Variants in SNTG1 observed in about 807,000 individuals in gnomAD.
SNTG1 encodes gamma-1-syntrophin.
Under a neutral mutation model 74.7 loss-of-function variants are expected in SNTG1, and 39 were observed. The ratio of observed to expected loss-of-function variants is 0.52; its 90% CI spans 0.40 to 0.68. The LOEUF (loss-of-function observed/expected upper bound fraction) is 0.68, where lower values mean the gene tolerates loss of function less well. Ranked by LOEUF, SNTG1 falls within the 30% of genes least tolerant of loss-of-function variation. The pLI is 0.00. For missense variants in SNTG1, 685 were observed against 609.5 expected, an observed-to-expected ratio of 1.12 and a Z score of -1.30; for synonymous variants, 254 against 217.1, an observed-to-expected ratio of 1.17 and a Z score of -1.49.
intron 1 of SNTG1, among the ~76,000 whole-genome samples, chr8:50,074,879 C>T (rs765195989): frequency 8.5e-5 from 13 of 152,152 alleles, no homozygotes; most frequent in Non-Finnish European, 1.8e-4. Context: ...CTGAGGGAAC[C>T]GGGGCTGTGC....
At chr8:50,633,769 A>G (rs1438258664) in intron 13 of SNTG1, among the ~76,000 whole-genome samples, 11 of 152,162 alleles carry the variant, frequency 7.2e-5, no homozygotes, top group Admixed American at 7.2e-4. Flanking sequence ...TCATCTTCCT[A>G]TTCCTATGGG....
At chr8:50,088,027 C>G (rs1254234071) in intron 1 of SNTG1, among the ~76,000 whole-genome samples, 1 of 144,514 alleles carries the variant, frequency 6.9e-6, no homozygotes, top group South Asian at 2.2e-4. Flanking sequence ...TGAGAATATG[C>G]GGTGTTTGGT....
At chr8:50,611,041 A>G (rs1161141305) in intron 13 of SNTG1, among the ~76,000 whole-genome samples, 1 of 152,164 alleles carries the variant, frequency 6.6e-6, no homozygotes, top group Non-Finnish European at 1.5e-5. Flanking sequence ...AATGCATGGA[A>G]CTTTTTTTGA....
intron 1 of SNTG1, among the ~76,000 whole-genome samples, chr8:49,920,018 T>G (rs1806389853): frequency 6.6e-6 from 1 of 152,078 alleles, no homozygotes; most frequent in African/African-American, 2.4e-5. Context: ...TAAATTAACT[T>G]TATTTTTCTC....
At chr8:50,087,127 AT>A (rs1822963948) in intron 1 of SNTG1, among the ~76,000 whole-genome samples, 1 of 152,030 alleles carries the variant, frequency 6.6e-6, no homozygotes, top group Non-Finnish European at 1.5e-5. Context: ...AGAGATTATC[AT>A]GTCTATTTTT....
intron 13 of SNTG1, among the ~76,000 whole-genome samples, chr8:50,598,504 C>T (rs1257014495): frequency 2.0e-5 from 3 of 151,876 alleles, no homozygotes; most frequent in Admixed American, 6.6e-5. Context: ...CTTTTAAAGT[C>T]ATGTCGTGTG....
intron 1 of SNTG1, among the ~76,000 whole-genome samples, chr8:49,929,110 A>C (rs1015779119): frequency 6.6e-6 from 1 of 152,320 alleles, no homozygotes; most frequent in South Asian, 2.1e-4. Flanking sequence ...GAGGACTTAA[A>C]TAACTAATAA....
intron 8 of SNTG1, among the ~76,000 whole-genome samples, chr8:50,490,293 T>C (rs1226110598): frequency 1.3e-5 from 2 of 152,202 alleles, no homozygotes; most frequent in African/African-American, 4.8e-5. Context: ...CGTAGTTTTT[T>C]CTAATTCTGT....
At chr8:49,938,615 C>CTTTTCT (rs5891335) in intron 1 of SNTG1, among the ~76,000 whole-genome samples, 9 of 22,638 alleles carry the variant, frequency 4.0e-4, no homozygotes, top group Admixed American at 2.1e-3. Context: ...TTCTTTCTTT[C>CTTTTCT]TTTCTTTCTT....
intron 2 of SNTG1, among the ~76,000 whole-genome samples, chr8:50,286,080 T>A (rs1296272572): frequency 6.6e-6 from 1 of 152,140 alleles, no homozygotes; most frequent in African/African-American, 2.4e-5. Flanking sequence ...TTTTTCTCAC[T>A]ATATGTATAA....
At chr8:50,341,684 C>T (rs1373986987) in intron 2 of SNTG1, among the ~76,000 whole-genome samples, 1 of 151,870 alleles carries the variant, frequency 6.6e-6, no homozygotes, top group Non-Finnish European at 1.5e-5. Context: ...ATGAAATGGA[C>T]TTTAATTCAC....
rs972539943 is a variant in SNTG1 at position 50,068,438 on chromosome 8, C to T, written c.-102-104123C>T. On this transcript the variant is annotated intron_variant, in intron 1 of 18. Transcript: ENST00000642720. ...TCCAAGGTGTTTGACACAAAGAGAT[C>T]CTGAGGACATTTGCTGTCGTCTTTG... Among the ~76,000 whole-genome samples the T allele has an allele frequency of 3.9e-5, 6 of 152,120 alleles. No individual in the cohort carries two copies. In the East Asian group the frequency reaches 1.2e-3, roughly 29 times the overall value.
At chr8:50,735,164 G>A (rs539261839) in intron 17 of SNTG1, among the ~76,000 whole-genome samples, 22 of 151,226 alleles carry the variant, frequency 1.5e-4, no homozygotes, top group Non-Finnish European at 3.0e-4. Context: ...CGACATATTG[G>A]ATTTAAAAAA....
At chr8:50,013,662 G>T (rs1004546751) in intron 1 of SNTG1, among the ~76,000 whole-genome samples, 1 of 152,072 alleles carries the variant, frequency 6.6e-6, no homozygotes, top group Non-Finnish European at 1.5e-5. Context: ...ACATAGTGAT[G>T]TGGTGATGCA....
intron 1 of SNTG1, among the ~76,000 whole-genome samples, chr8:50,165,203 A>C (rs2082571322): frequency 6.6e-6 from 1 of 152,218 alleles, no homozygotes; most frequent in Non-Finnish European, 1.5e-5. Context: ...GATTTAATTA[A>C]GTGAGGTCAA....
At chr8:50,190,908 A>C (rs904927748) in intron 2 of SNTG1, among the ~76,000 whole-genome samples, 1 of 152,196 alleles carries the variant, frequency 6.6e-6, no homozygotes, top group African/African-American at 2.4e-5. Context: ...CACGACAATA[A>C]GAATAAATTG....
chr8:50,301,420 A>T (rs2089639312), intron 2 of SNTG1, among the ~76,000 whole-genome samples: 1 of 152,244 alleles, frequency 6.6e-6, no homozygotes, highest in East Asian at 1.9e-4. Context: ...TCTTTTTTAT[A>T]TGATGTCTAT....
At chr8:50,609,836 T>A (rs2094837750) in intron 13 of SNTG1, among the ~76,000 whole-genome samples, 1 of 152,132 alleles carries the variant, frequency 6.6e-6, no homozygotes, top group Non-Finnish European at 1.5e-5. Context: ...CATTTGTTTC[T>A]TATTTTTAAA....
intron 18 of SNTG1, among the ~76,000 whole-genome samples, chr8:50,781,889 G>C (rs565644914): frequency 1.3e-5 from 2 of 152,108 alleles, no homozygotes; most frequent in African/African-American, 4.8e-5. Context: ...AACTCTTTTA[G>C]GGTAGGCCTG....
Sources: allele counts gnomAD v4.1 joint callset (sites outside exome capture counted in the v4.1 genomes callset), GRCh38; gene constraint gnomAD v4.1.1; transcripts MANE v1.5; gene names NCBI Gene and HGNC (gene_info 2026-07-23, HGNC 2026-07-21).